PCDHGB4: variants seen among roughly 807,000 people sequenced by gnomAD.
PCDHGB4 encodes protocadherin gamma subfamily B, 4, also known as protocadherin gamma-B4.
Under a neutral mutation model 60.5 loss-of-function variants are expected in PCDHGB4, and 38 were observed. The observed-to-expected ratio is 0.63, with a 90% CI of 0.48 to 0.82. PCDHGB4 has a LOEUF of 0.82. PCDHGB4 is among the 40% of genes least tolerant of loss of function. PCDHGB4 has a pLI of 0.00. For missense variants in PCDHGB4, 1,109 were observed against 1,209.6 expected (o/e 0.92, Z 1.23); for synonymous variants, 456 against 509.7 (o/e 0.89, Z 1.42).
At chr5:141,406,431 T>G (rs1316370664) in intron 1 of PCDHGB4, among the ~76,000 whole-genome samples, 3 of 152,352 alleles carry the variant, frequency 2.0e-5, no homozygotes, top group Non-Finnish European at 4.4e-5. Context: ...ATTTATTGCT[T>G]CTATTCTTCC....
At chr5:141,420,748 C>G (rs2096523185) in intron 1 of PCDHGB4, among the ~76,000 whole-genome samples, 1 of 152,214 alleles carries the variant, frequency 6.6e-6, no homozygotes, top group Non-Finnish European at 1.5e-5. Context: ...TTGGAACCAA[C>G]TACAACCTAC....
intron 1 of PCDHGB4, among the ~76,000 whole-genome samples, chr5:141,436,477 G>A (rs748354852): frequency 1.3e-5 from 2 of 152,168 alleles, no homozygotes; most frequent in Non-Finnish European, 2.9e-5. Context: ...ATGTATCATA[G>A]AAGGATAGCA....
In PCDHGB4 at chr5:141,409,552, A is replaced by C. The variant is rs777125488; in HGVS notation, c.2397+19271A>C. On this transcript the variant is annotated intron_variant, in intron 1 of 3. Transcript: ENST00000519479. ...TCGCTGACATCAACGACAACGCCCC[A>C]GTTTTCGACCAGACGTCCTACGTGG... 9 of 1,613,844 alleles carry C rather than the reference A, an allele frequency of 5.6e-6. No homozygotes were observed. The East Asian group carries it at 1.1e-4, about 20-fold the overall frequency.
chr5:141,478,358 C>G, intron 1 of PCDHGB4: 1 of 1,613,738 alleles, frequency 6.2e-7, no homozygotes, highest in South Asian at 1.1e-5. Flanking sequence ...GGACGCCGTG[C>G]GGGGAGGCCT....
At chr5:141,453,544 C>T (rs540372287) in intron 1 of PCDHGB4, among the ~76,000 whole-genome samples, 12 of 152,310 alleles carry the variant, frequency 7.9e-5, no homozygotes, top group African/African-American at 2.9e-4. Flanking sequence ...ATTCACACCA[C>T]ACTCTGTAGA....
chr5:141,435,922 G>A (rs1312886163), intron 1 of PCDHGB4, among the ~76,000 whole-genome samples: 1 of 152,070 alleles, frequency 6.6e-6, no homozygotes, highest in Non-Finnish European at 1.5e-5. Context: ...TCTAAAATGC[G>A]GCAGTTGCTG....
rs1226359801 is a variant in PCDHGB4, at chr5:141,388,320, G to A, written c.436G>A (p.Ala146Thr). Residue 146 changes from alanine (A) to threonine (T), a missense_variant, in exon 1 of 4, where the codon GCA becomes ACA. By Grantham distance (58) the Ala-to-Thr change is moderately conservative (BLOSUM62 0). Coordinates refer to ENST00000519479, the MANE Select transcript of PCDHGB4 (RefSeq NM_003736.4). ...CTTTGAGCTGCAAATAAGTGAGTCT[G>A]CACAGCCTGGCACACGATTTATATT... is the stretch of plus-strand genomic sequence containing the variant. ...NSFELQISES[A>T]QPGTRFILGS... 9.3e-6 allele frequency: 15 copies of A among 1,613,768 alleles called. 1 individual carries two copies. The Admixed American group carries it at 2.5e-4, about 27-fold the overall frequency.
Position 141,511,313 on chromosome 5 carries a change from C to T in PCDHGB4, c.*140C>T. ...CCAAGGCCATGCTCCCCTTGGGAAA[C>T]AGAAACAAGTGCCCAGTCAGCACCT... On this transcript the variant is annotated 3_prime_UTR_variant, in exon 4 of 4. Transcript: ENST00000519479. 2 of 1,482,944 alleles carry T rather than the reference C, an allele frequency of 1.3e-6. No homozygotes were observed. The highest frequency in any genetic ancestry group is 2.3e-5 in the Admixed American group (1 of 43,596). 91.9% of individuals were successfully genotyped at this position (1,482,944 alleles called of 1,614,324 possible).
chr5:141,440,503 G>A (rs979260104), intron 1 of PCDHGB4: 10 of 152,154 alleles, frequency 6.6e-5, no homozygotes, highest in Non-Finnish European at 1.0e-4. Flanking sequence ...ACATTAATAT[G>A]GAGATTCAGG....
intron 1 of PCDHGB4, chr5:141,427,356 G>A (rs1295421809): frequency 8.7e-6 from 4 of 457,618 alleles, no homozygotes; most frequent in Non-Finnish European, 1.8e-5. Context: ...AACTGAGGAC[G>A]CAGAACCCTG....
At position 141,491,823 on chromosome 5, in the gene PCDHGB4, C is replaced by G; in HGVS notation, c.2398-2984C>G. Reference sequence around the variant, plus strand: ...GCCGGCTTGGTCGCTGGCTGCGCTCCACCCGATTCTCGGGATCATTGGACC... The same window carrying G: ...GCCGGCTTGGTCGCTGGCTGCGCTCGACCCGATTCTCGGGATCATTGGACC... On this transcript the variant is annotated intron_variant, in intron 1 of 3. Transcript: ENST00000519479. The surrounding 1 kb of genome is among the most constrained non-coding windows in gnomAD (Gnocchi z 6.9). The G allele has an allele frequency of 6.8e-7, 1 of 1,479,156 alleles. No individual in the cohort carries two copies. Among genetic ancestry groups the G allele is most frequent in the Non-Finnish European group, 9.0e-7 (1 of 1,115,292 alleles). 91.6% of individuals were successfully genotyped at this position (1,479,156 alleles called of 1,614,324 possible). A position where few individuals can be genotyped will look rare whatever the true frequency, so the allele number is the denominator to read the frequency against.
At chr5:141,456,819 C>A (rs1453433865) in intron 1 of PCDHGB4, among the ~76,000 whole-genome samples, 1 of 151,982 alleles carries the variant, frequency 6.6e-6, no homozygotes, top group Non-Finnish European at 1.5e-5. Flanking sequence ...AAAAAATTAG[C>A]CATCGTGGTA....
chr5:141,423,802 C>A, intron 1 of PCDHGB4: 3 of 1,254,704 alleles, frequency 2.4e-6, no homozygotes, highest in South Asian at 2.9e-5. Context: ...TAGAGCAATA[C>A]ATGTGAGTTT....
chr5:141,485,566 C>G lies in PCDHGB4; in HGVS notation c.2398-9241C>G, dbSNP rs768144422. On this transcript the variant is annotated intron_variant, in intron 1 of 3. Transcript: ENST00000519479. This position sits in a 1 kb window ranked among gnomAD's most constrained non-coding sequence, Gnocchi z 5.7. ...TCGTAGATGTGAATGATCACGCCCC[C>G]CGTTTTCCGCGGCAGCAGCTGGACT... 2.5e-6 allele frequency: 4 copies of G among 1,612,808 alleles called. No homozygotes were observed. Among genetic ancestry groups the G allele is most frequent in the South Asian group, 2.2e-5 (2 of 91,028 alleles).
intron 1 of PCDHGB4, among the ~76,000 whole-genome samples, chr5:141,397,615 C>A (rs2093545668): frequency 6.6e-6 from 1 of 152,144 alleles, no homozygotes; most frequent in Admixed American, 6.5e-5. Context: ...AAGGGCAATA[C>A]TTAGTTCTAG....
At chr5:141,470,182 G>A (rs540599468) in intron 1 of PCDHGB4, among the ~76,000 whole-genome samples, 1 of 152,262 alleles carries the variant, frequency 6.6e-6, no homozygotes, top group Non-Finnish European at 1.5e-5. Context: ...AAATATTCAA[G>A]TAAACTTCAG....
rs562156266 is a variant in PCDHGB4, at chr5:141,467,826, T to C, written c.2398-26981T>C. On this transcript the variant is annotated intron_variant, in intron 1 of 3. Transcript: ENST00000519479. ...GGCACATGCCACCACACCAGGCTGA[T>C]TTTTATATTTTTTTGTAGAATGAGA... Among the ~76,000 whole-genome samples, 96 of 151,894 alleles carry C rather than the reference T, an allele frequency of 6.3e-4. 3 individuals carry two copies. Among genetic ancestry groups the C allele is most frequent in the Admixed American group, 6.2e-3 (95 of 15,236 alleles).
intron 1 of PCDHGB4, among the ~76,000 whole-genome samples, chr5:141,465,779 G>GT (rs879859429): frequency 0.017 from 2,504 of 144,598 alleles, 23 homozygotes; most frequent in Non-Finnish European, 0.024. Flanking sequence ...TCTTGTTACA[G>GT]TTTTTTTTTT....
In PCDHGB4 at chr5:141,389,236, C is replaced by G. The variant is rs1360916753; in HGVS notation, c.1352C>G (p.Ser451Ter). Residue 451 changes from serine (S) to a stop codon, truncating the protein, a stop_gained, in exon 1 of 4, where the codon TCA becomes TGA. Transcript: ENST00000519479. LOFTEE classifies it high-confidence loss of function. ...GTAAATGACAACGCTCCGGTTTTCT[C>G]ACAGTCTTCCTATATAGTCCACGTG... ...GDVNDNAPVF[S>*]QSSYIVHVAE... 6.2e-7 allele frequency: 1 copy of G among 1,614,054 alleles called. No individual in the cohort carries two copies. Among genetic ancestry groups the G allele is most frequent in the Non-Finnish European group, 8.5e-7 (1 of 1,179,896 alleles).
Sources: gnomAD v4.1 joint callset for allele counts (sites outside exome capture counted in the v4.1 genomes callset) on GRCh38, gnomAD v4.1.1 for gene constraint, Gnocchi (gnomAD v3.1) non-coding constraint, MANE v1.5 for transcripts, NCBI Gene and HGNC (gene_info 2026-07-23, HGNC 2026-07-21) for gene names.